SLC6A16: variants seen among roughly 807,000 people sequenced by gnomAD.
The protein encoded by SLC6A16 is solute carrier family 6 member 16.
SLC6A16 carries 54 observed loss-of-function variants against 65.4 expected under a neutral mutation model. The ratio of observed to expected loss-of-function variants is 0.83; its 90% confidence interval spans 0.66 to 1.04. The LOEUF (loss-of-function observed/expected upper bound fraction) is 1.04. Ranked by LOEUF, SLC6A16 falls within the 50% of genes least tolerant of loss-of-function variation. SLC6A16 has a pLI of 0.00. For synonymous variants in SLC6A16, 330 were observed against 346.5 expected (o/e 0.95, Z 0.53); for missense variants, 816 against 914.0 (o/e 0.89, Z 1.38).
At position 49,311,144 on chromosome 19, in the gene SLC6A16, T is replaced by C; in HGVS notation, c.204A>G (p.Gln68=). 2 of 1,614,138 alleles carry C rather than the reference T, an allele frequency of 1.2e-6. No individual in the cohort carries two copies. Among genetic ancestry groups the C allele is most frequent in the Non-Finnish European group, 8.5e-7 (1 of 1,180,016 alleles). Residue 68 remains glutamine (Q), a synonymous_variant, in exon 2 of 12, where the codon CAA becomes CAG. Coordinates refer to ENST00000335875, the MANE Select transcript of SLC6A16 (RefSeq NM_014037.3). ...CAGTTAACGCCTCCAATACAGAAAT[T>C]TGCTTGGGCTGACTGGTCCTGGCCT... ...EAQARTSQPK[Q]ISVLEALTAS... is the part of the protein sequence containing the mutation.
chr19:49,339,198 G>A, the SLC6A16 span: 1 of 815,506 alleles, frequency 1.2e-6, no homozygotes, highest in African/African-American at 1.7e-5. The surrounding 1 kb of genome is among the most constrained non-coding windows in gnomAD (Gnocchi z 4.5). Flanking sequence ...CTAGTAAGGA[G>A]ACTAGAGTGC....
chr19:49,310,870 C>T, intron 2 of SLC6A16, 63 bp downstream of exon 2: 1 of 1,235,422 alleles, frequency 8.1e-7, no homozygotes, highest in Admixed American at 2.1e-5. Context: ...ATGGTTAAAG[C>T]CTGGACAGGA....
At chr19:49,291,949 C>T (rs1488561063) in intron 10 of SLC6A16, among the ~76,000 whole-genome samples, 2 of 152,226 alleles carry the variant, frequency 1.3e-5, no homozygotes, top group Admixed American at 6.5e-5. Flanking sequence ...CTATATCTTC[C>T]AGGTCTCACT....
chr19:49,290,645 C>T lies in SLC6A16; in HGVS notation c.1901G>A (p.Cys634Tyr). 1 of 1,614,048 alleles carries T rather than the reference C, an allele frequency of 6.2e-7. No individual in the cohort carries two copies. Among genetic ancestry groups the T allele is most frequent in the Non-Finnish European group, 8.5e-7 (1 of 1,179,986 alleles). The change falls in exon 11 of 12, where the codon TGT (cysteine) becomes TAT (tyrosine). Residue 634 changes from cysteine to tyrosine, a missense_variant. Coordinates refer to ENST00000335875, the MANE Select transcript of SLC6A16 (RefSeq NM_014037.3). ...IIFVTMMVHLCMKPITYMSWD... is the reference protein window; with the variant it reads ...IIFVTMMVHLYMKPITYMSWD... ...GGACATGTAGGTGATCGGCTTCATA[C>T]AAAGATGAACCATCATGGTCACAAA... is the stretch of plus-strand genomic sequence containing the variant.
chr19:49,326,612 G>A (rs1023651112), upstream of SLC6A16, among the ~76,000 whole-genome samples: 4 of 152,112 alleles, frequency 2.6e-5, no homozygotes, highest in Non-Finnish European at 5.9e-5. Context: ...CTAGGAACTG[G>A]GAATAGTGTA....
At chr19:49,308,136 C>T (rs1482810878) in intron 7 of SLC6A16, among the ~76,000 whole-genome samples, 1 of 151,474 alleles carries the variant, frequency 6.6e-6, no homozygotes, top group Non-Finnish European at 1.5e-5. Flanking sequence ...TGACAGAAAT[C>T]CCCAATTCAG....
chr19:49,291,757 A>G (rs183253885), intron 10 of SLC6A16, among the ~76,000 whole-genome samples: 1 of 152,072 alleles, frequency 6.6e-6, no homozygotes, highest in African/African-American at 2.4e-5. Context: ...CAATAAATAT[A>G]CAAGTGGGGT....
chr19:49,294,410 A>G lies in SLC6A16; in HGVS notation c.1373T>C (p.Leu458Pro). ...GLPQHIKSMV[L>P]REVTECNIET... ...TATGTTGCACTCAGTCACCTCGCGG[A>G]GAACCATGCTTTTGATGTGCTGGGG... Residue 458 changes from leucine (L) to proline (P), a missense_variant, in exon 8 of 12, where the codon CTC becomes CCC. Leu to Pro is a moderately conservative substitution (Grantham distance 98, BLOSUM62 -3). Coordinates refer to ENST00000335875, the MANE Select transcript of SLC6A16 (RefSeq NM_014037.3). 6.2e-7 allele frequency: 1 copy of G among 1,614,162 alleles called. No individual in the cohort carries two copies.
intron 10 of SLC6A16, among the ~76,000 whole-genome samples, chr19:49,291,446 G>A (rs1970077128): frequency 6.6e-6 from 1 of 152,066 alleles, no homozygotes; most frequent in African/African-American, 2.4e-5. Context: ...TCTTTGAGAA[G>A]AGTATCTCAA....
chr19:49,314,618 A>C (rs930438522), intron 1 of SLC6A16, among the ~76,000 whole-genome samples: 12 of 152,098 alleles, frequency 7.9e-5, no homozygotes, highest in African/African-American at 1.7e-4. Flanking sequence ...TATTCCCCCC[A>C]AAAAAACCCA....
intron 1 of SLC6A16, among the ~76,000 whole-genome samples, chr19:49,321,947 C>G (rs951089695): frequency 3.3e-5 from 5 of 151,508 alleles, no homozygotes; most frequent in Non-Finnish European, 7.4e-5. Context: ...AGGAAAATAT[C>G]CCAACATAAT....
intron 1 of SLC6A16, among the ~76,000 whole-genome samples, chr19:49,312,135 G>A (rs986680566): frequency 1.3e-5 from 2 of 151,944 alleles, no homozygotes; most frequent in African/African-American, 2.4e-5. Context: ...GGAATTACAG[G>A]TGTGAGCCAC....
intron 10 of SLC6A16, among the ~76,000 whole-genome samples, chr19:49,290,973 C>T (rs571912313): frequency 6.6e-6 from 1 of 152,346 alleles, no homozygotes; most frequent in South Asian, 2.1e-4. Context: ...CCCTCTCCTG[C>T]TCAAGAACTT....
chr19:49,336,118 G>A, the SLC6A16 span: 3 of 364,106 alleles, frequency 8.2e-6, no homozygotes, highest in African/African-American at 6.2e-5. Context: ...ACGTAAAAGA[G>A]CCAAAATAAC....
chr19:49,338,618 C>A, the SLC6A16 span: 1 of 1,031,070 alleles, frequency 9.7e-7, no homozygotes, highest in Non-Finnish European at 1.5e-6. The surrounding 1 kb of genome is among the most constrained non-coding windows in gnomAD (Gnocchi z 5.0). Flanking sequence ...CCGACCTGAC[C>A]TCATACCCAT....
chr19:49,324,976 C>T, intron 1 of SLC6A16, 72 bp downstream of exon 1: 1 of 951,424 alleles, frequency 1.1e-6, no homozygotes, highest in Non-Finnish European at 1.3e-6. Flanking sequence ...GCCCGGGCCT[C>T]GAAAATGGCG....
chr19:49,309,616 T>A (rs777743468), intron 5 of SLC6A16, 35 bp downstream of exon 5: 1 of 1,587,750 alleles, frequency 6.3e-7, no homozygotes, highest in South Asian at 1.1e-5. Context: ...CTAAAGCATC[T>A]GAGAATTTCA....
rs1484765646 is a variant in SLC6A16 at position 49,292,503 on chromosome 19, C to T, written c.1778+720G>A. Among the ~76,000 whole-genome samples the T allele has an allele frequency of 1.3e-5, 2 of 152,222 alleles. No homozygotes were observed. The highest frequency in any genetic ancestry group is 1.9e-4 in the East Asian group (1 of 5,204). Reference sequence around the variant, plus strand: ...AACAAATCTAATAATGGCACTCCCACCTGAAAATGTCATTCTCCTACTCAA... The same window carrying T: ...AACAAATCTAATAATGGCACTCCCATCTGAAAATGTCATTCTCCTACTCAA... On this transcript the variant is annotated intron_variant, in intron 10 of 11. Transcript: ENST00000335875. The surrounding 1 kb of genome is among the most constrained non-coding windows in gnomAD (Gnocchi z 4.3).
intron 1 of SLC6A16, among the ~76,000 whole-genome samples, chr19:49,313,950 G>T (rs1347945633): frequency 6.6e-6 from 1 of 152,036 alleles, no homozygotes; most frequent in Non-Finnish European, 1.5e-5. Flanking sequence ...CAAAAAATTA[G>T]CCAGGCACAG....
Sources: allele counts gnomAD v4.1 joint callset (sites outside exome capture counted in the v4.1 genomes callset), GRCh38; gene constraint gnomAD v4.1.1; non-coding constraint Gnocchi (gnomAD v3.1); transcripts MANE v1.5; gene names NCBI Gene and HGNC (gene_info 2026-07-23, HGNC 2026-07-21).